IFIH1: variants seen among roughly 807,000 people sequenced by gnomAD.
IFIH1 encodes interferon-induced helicase C domain-containing protein 1.
Under a neutral mutation model 107.4 loss-of-function variants are expected in IFIH1, and 125 were observed. The ratio of observed to expected loss-of-function variants is 1.16; its 90% CI spans 1.01 to 1.35. IFIH1 has a LOEUF of 1.35. Among genes scored for constraint, IFIH1 ranks in the 40% most tolerant of loss-of-function variants. The pLI is 0.00. For missense variants in IFIH1, 1,333 were observed against 1,213.7 expected (o/e 1.10, Z -1.46); for synonymous variants, 458 against 413.2 (o/e 1.11, Z -1.31).
intron 14 of IFIH1, among the ~76,000 whole-genome samples, 193 bp downstream of exon 14, chr2:162,267,894 C>A (rs552717316): frequency 6.6e-6 from 1 of 152,332 alleles, no homozygotes; most frequent in South Asian, 2.1e-4. Flanking sequence ...TTGGTTCTTA[C>A]ACTTCTCTTT....
intron 2 of IFIH1, 125 bp downstream of exon 2, chr2:162,310,640 T>C (rs576913187): frequency 2.7e-5 from 19 of 714,288 alleles, no homozygotes; most frequent in Non-Finnish European, 4.5e-5. Context: ...ATCTATCACA[T>C]ATGTTCCACT....
intron 3 of IFIH1, among the ~76,000 whole-genome samples, chr2:162,299,375 C>A (rs573964657): frequency 1.3e-5 from 2 of 152,246 alleles, no homozygotes; most frequent in Admixed American, 1.3e-4. Flanking sequence ...AGGAGTTAAG[C>A]AAACTTAAGC....
chr2:162,318,214 G>A lies in IFIH1; in HGVS notation c.94C>T (p.Leu32=). The A allele has an allele frequency of 6.2e-7, 1 of 1,614,178 alleles. No homozygotes were observed. Among genetic ancestry groups the A allele is most frequent in the South Asian group, 1.1e-5 (1 of 91,086 alleles). The part of the protein sequence containing the change: ...VKMYIQVEPV[L]DYLTFLPAEV... The stretch of plus-strand genomic sequence containing the variant: ...GCAGGCAGAAAGGTCAGGTAGTCCA[G>A]CACAGGCTCCACCTGGATGTACATT... Residue 32 remains leucine (L), a synonymous_variant, in exon 1 of 16, where the codon CTG becomes TTG. Coordinates refer to ENST00000649979, the MANE Select transcript of IFIH1 (RefSeq NM_022168.4).
chr2:162,277,560 C>A lies in IFIH1; in HGVS notation c.1899G>T (p.Glu633Asp), dbSNP rs550930413. ...CTATGACTGCAAACTTCTTATCTTT[C>A]TCTTCATTATAGAAAGTTTCAAGAT... ...YTHLETFYNEEKDKKFAVIED... is the reference protein window; with the variant it reads ...YTHLETFYNEDKDKKFAVIED... Residue 633 changes from glutamate (E) to aspartate (D), a missense_variant, in exon 10 of 16, where the codon GAG becomes GAT. Coordinates refer to ENST00000649979, the MANE Select transcript of IFIH1 (RefSeq NM_022168.4). 5.4e-5 allele frequency: 86 copies of A among 1,607,446 alleles called. 1 individual carries two copies. In the East Asian group the frequency reaches 1.8e-3, roughly 33 times the overall value.
At chr2:162,313,186 T>C (rs1257404771) in intron 1 of IFIH1, among the ~76,000 whole-genome samples, 1 of 152,214 alleles carries the variant, frequency 6.6e-6, no homozygotes, top group African/African-American at 2.4e-5. Context: ...TGCTGGAAAG[T>C]ACATCAGCTC....
chr2:162,286,590 A>G (rs911078396), intron 5 of IFIH1, among the ~76,000 whole-genome samples: 2 of 151,318 alleles, frequency 1.3e-5, no homozygotes, highest in Non-Finnish European at 2.9e-5. Context: ...AGGAGGTGGT[A>G]TTACTCACAA....
chr2:162,318,101 T>C lies in IFIH1; in HGVS notation c.207A>G (p.Gly69=). Residue 69 remains glycine, a synonymous_variant, in exon 1 of 16, where the codon GGA becomes GGG. Coordinates refer to ENST00000649979, the MANE Select transcript of IFIH1 (RefSeq NM_022168.4). Reference sequence around the variant, plus strand: ...CCCGAGTCCAACCAAGGTGCCAGACTCCCTTCTCCAAGGTGCTCAGCAGCA... The same window carrying C: ...CCCGAGTCCAACCAAGGTGCCAGACCCCCTTCTCCAAGGTGCTCAGCAGCA... ...VELLLSTLEK[G]VWHLGWTREF... is the part of the protein sequence containing the mutation. The C allele has an allele frequency of 6.2e-7, 1 of 1,614,168 alleles. No homozygotes were observed. Among genetic ancestry groups the C allele is most frequent in the Non-Finnish European group, 8.5e-7 (1 of 1,180,024 alleles).
intron 2 of IFIH1, 31 bp from the exon 3 acceptor site, chr2:162,306,886 T>A: frequency 1.2e-6 from 2 of 1,606,786 alleles, no homozygotes; most frequent in Non-Finnish European, 1.7e-6. Context: ...ATGCAAATCA[T>A]AGTGCCATAC....
intron 6 of IFIH1, among the ~76,000 whole-genome samples, chr2:162,281,810 C>T (rs1682815549): frequency 1.3e-5 from 2 of 151,864 alleles, no homozygotes; most frequent in Non-Finnish European, 2.9e-5. Context: ...AGCTAAAAAG[C>T]GTTAGATGTG....
chr2:162,295,382 G>T (rs1683069006), intron 3 of IFIH1, among the ~76,000 whole-genome samples: 1 of 151,862 alleles, frequency 6.6e-6, no homozygotes, highest in Non-Finnish European at 1.5e-5. Flanking sequence ...TTACTAATTT[G>T]TTCCTTTTTA....
intron 2 of IFIH1, among the ~76,000 whole-genome samples, chr2:162,309,755 TTGCATAACAACTCC>T (rs1194355643): frequency 2.6e-5 from 4 of 152,216 alleles, no homozygotes; most frequent in African/African-American, 9.6e-5. Flanking sequence ...TGGTTCCTTT[TTGCATAACAACTCC>T]TTCAATTAAT....
chr2:162,275,047 T>C (rs1238317939), intron 11 of IFIH1, among the ~76,000 whole-genome samples: 3 of 152,226 alleles, frequency 2.0e-5, no homozygotes, highest in Non-Finnish European at 4.4e-5. Flanking sequence ...TAGCAGAAGA[T>C]GCCTGTGTCT....
chr2:162,277,703 A>C lies in IFIH1; in HGVS notation c.1766-10T>G. 6.3e-7 allele frequency: 1 copy of C among 1,598,380 alleles called. No homozygotes were observed. Among genetic ancestry groups the C allele is most frequent in the African/African-American group, 1.3e-5 (1 of 74,180 alleles). On this transcript the variant is annotated splice_polypyrimidine_tract_variant and intron_variant, in intron 9 of 15. Coordinates refer to ENST00000649979, the MANE Select transcript of IFIH1 (RefSeq NM_022168.4). ...TTTCCTTCTTTTGCAGCTGTGAAAA[A>C]ATATATTATGTAAGTGAAATAATAA...
chr2:162,279,785 TC>T (rs1347977831), intron 8 of IFIH1, among the ~76,000 whole-genome samples: 7 of 152,062 alleles, frequency 4.6e-5, no homozygotes, highest in Non-Finnish European at 7.4e-5. Flanking sequence ...AATAAGCTAT[TC>T]CTCATGTAAA....
intron 7 of IFIH1, 41 bp from the exon 8 acceptor site, chr2:162,280,153 T>C: frequency 9.4e-7 from 1 of 1,061,400 alleles, no homozygotes; most frequent in Non-Finnish European, 1.4e-6. Context: ...CAATTATTTT[T>C]CCCTTTCACT....
intron 1 of IFIH1, among the ~76,000 whole-genome samples, chr2:162,313,046 CAT>C (rs1473085052): frequency 6.6e-6 from 1 of 152,146 alleles, no homozygotes; most frequent in East Asian, 1.9e-4. Flanking sequence ...TGAGTCCAAG[CAT>C]ATAAGGATCA....
At chr2:162,307,053 T>C (rs1339181875) in intron 2 of IFIH1, 198 bp from the exon 3 acceptor site, 1 of 461,380 alleles carries the variant, frequency 2.2e-6, no homozygotes, top group Admixed American at 3.8e-5. Context: ...AAATAGCTGT[T>C]ATTGTTATTT....
In IFIH1 at chr2:162,306,782, A is replaced by G; in HGVS notation, c.696T>C (p.Asn232=). Residue 232 remains asparagine (N), a synonymous_variant, in exon 3 of 16, where the codon AAT becomes AAC. Transcript: ENST00000649979. ...CCATGCCCCAGACCTCCTTCTCCAG[A>G]TTTGGCTGAACTGTGGTTGAAAGAA... ...EQLLSTTVQP[N]LEKEVWGMEN... The G allele has an allele frequency of 6.2e-7, 1 of 1,613,904 alleles. No homozygotes were observed. The highest frequency in any genetic ancestry group is 8.5e-7 in the Non-Finnish European group (1 of 1,179,868).
chr2:162,297,174 G>A (rs940624515), intron 3 of IFIH1, among the ~76,000 whole-genome samples: 1 of 152,060 alleles, frequency 6.6e-6, no homozygotes, highest in African/African-American at 2.4e-5. Flanking sequence ...TCCCAAAAAA[G>A]TGAGATCAAG....
Sources: allele counts gnomAD v4.1 joint callset (sites outside exome capture counted in the v4.1 genomes callset), GRCh38; gene constraint gnomAD v4.1.1; transcripts MANE v1.5; gene names NCBI Gene and HGNC (gene_info 2026-07-23, HGNC 2026-07-21).